Variants in NMT1 observed in about 807,000 individuals in gnomAD.
NMT1 encodes the protein N-myristoyltransferase 1.
In NMT1, 12 loss-of-function variants were observed where a neutral mutation model predicts 63.4. The observed-to-expected ratio is 0.19, with a 90% CI of 0.12 to 0.31. The LOEUF (loss-of-function observed/expected upper bound fraction) is 0.31. Ranked by LOEUF, NMT1 falls within the 10% of genes least tolerant of loss-of-function variation. The probability of loss-of-function intolerance (pLI) is 1.00; values close to 1 mark genes in which losing one functional copy is unlikely to be tolerated. For missense variants in NMT1, 432 were observed against 634.6 expected (o/e 0.68, Z 3.43); for synonymous variants, 228 against 234.3 (o/e 0.97, Z 0.25).
rs1377180260 is a variant in NMT1, at chr17:45,105,060, C to A, written c.1470+64C>A. 2.6e-5 allele frequency: 42 copies of A among 1,604,322 alleles called. No individual in the cohort carries two copies. Among genetic ancestry groups the A allele is most frequent in the Non-Finnish European group, 3.4e-5 (40 of 1,174,208 alleles). On this transcript the variant is annotated intron_variant, in intron 11 of 11. Coordinates refer to ENST00000258960, the MANE Select transcript of NMT1 (RefSeq NM_021079.5). This position sits in a 1 kb window ranked among gnomAD's most constrained non-coding sequence, Gnocchi z 4.2. ...AGGGTGTCCATGTCTCCAGCAGAAACCGGGCCATGGGTTGAGGAGACAGCC... is the reference window on the plus strand; with the variant it reads ...AGGGTGTCCATGTCTCCAGCAGAAAACGGGCCATGGGTTGAGGAGACAGCC...
At position 45,093,936 on chromosome 17, in the gene NMT1, G is replaced by A. The variant is rs58114971; in HGVS notation, c.504+133G>A. On this transcript the variant is annotated intron_variant, in intron 4 of 11. Coordinates refer to ENST00000258960, the MANE Select transcript of NMT1 (RefSeq NM_021079.5). ...AGGAGGTCTGAACAGACTCCCGTCT[G>A]TAACTTCCTGGGGCATGGCCAAGAC... 308 of 659,630 alleles carry A rather than the reference G, an allele frequency of 4.7e-4. No homozygotes were observed. The African/African-American group carries it at 5.0e-3, about 11-fold the overall frequency. The allele number at this position is 659,630 out of a possible 1,614,324, so 40.9% of individuals were successfully genotyped here. A position where few individuals can be genotyped will look rare whatever the true frequency, so the allele number is the denominator to read the frequency against.
Position 45,061,352 on chromosome 17 carries a change from C to T in NMT1, c.23C>T (p.Ala8Val), listed in dbSNP as rs764406772. The T allele has an allele frequency of 4.3e-6, 7 of 1,613,862 alleles. No homozygotes were observed. The highest frequency in any genetic ancestry group is 3.3e-5 in the South Asian group (3 of 91,046). MADESET[A>V]VKPPAPPLPQ... is the part of the protein sequence containing the mutation. ...AAGATGGCGGACGAGAGTGAGACAG[C>T]AGTGAAGCCGCCGGCACCTCCGCTG... The change falls in exon 1 of 12, where the codon GCA becomes GTA. Residue 8 changes from alanine (A) to valine (V), a missense_variant. By Grantham distance (64) the Ala-to-Val change is moderately conservative. This residue lies in a region of NMT1 where 121 missense variants were observed against 103.7 expected (regional missense o/e 1.17). Transcript: ENST00000258960.
At chr17:45,098,574 GC>G in intron 7 of NMT1, 22 bp downstream of exon 7, 1 of 1,610,704 alleles carries the variant, frequency 6.2e-7, no homozygotes, top group African/African-American at 1.3e-5. Context: ...TTCCTGTAAG[GC>G]CCCAAAAATG....
intron 1 of NMT1, among the ~76,000 whole-genome samples, chr17:45,080,883 C>G (rs888806682): frequency 6.6e-6 from 1 of 152,108 alleles, no homozygotes; most frequent in South Asian, 2.1e-4. Flanking sequence ...TCTCCTGCCT[C>G]GTCCTCCTGA....
At chr17:45,077,256 A>G (rs1302929943) in intron 1 of NMT1, among the ~76,000 whole-genome samples, 1 of 152,138 alleles carries the variant, frequency 6.6e-6, no homozygotes, top group Non-Finnish European at 1.5e-5. Flanking sequence ...TTTGTTCCAT[A>G]AGCTGTTATG....
At chr17:45,102,851 A>T in intron 8 of NMT1, 100 bp from the exon 9 acceptor site, 1 of 1,166,586 alleles carries the variant, frequency 8.6e-7, no homozygotes, top group Non-Finnish European at 1.2e-6. Flanking sequence ...GAGCCGCCGA[A>T]TGACCAGGGA....
intron 3 of NMT1, among the ~76,000 whole-genome samples, chr17:45,093,294 C>T (rs775547119): frequency 5.9e-5 from 9 of 152,252 alleles, no homozygotes; most frequent in Non-Finnish European, 7.3e-5. Flanking sequence ...GACACAAAAG[C>T]AGCCTTGTTG....
chr17:45,073,683 A>C (rs1381076364), intron 1 of NMT1, among the ~76,000 whole-genome samples: 3 of 152,146 alleles, frequency 2.0e-5, no homozygotes, highest in Non-Finnish European at 2.9e-5. Context: ...TTGGCTTTGG[A>C]GGATTCTCAA....
intron 5 of NMT1, among the ~76,000 whole-genome samples, 154 bp from the exon 6 acceptor site, chr17:45,096,972 CTG>C (rs1466936457): frequency 2.6e-5 from 4 of 152,334 alleles, no homozygotes; most frequent in African/African-American, 9.6e-5. Flanking sequence ...TGGCTCGATT[CTG>C]TGTGTCCAGG....
intron 1 of NMT1, among the ~76,000 whole-genome samples, chr17:45,077,516 G>T (rs1359583088): frequency 6.6e-6 from 1 of 152,038 alleles, no homozygotes; most frequent in African/African-American, 2.4e-5. Flanking sequence ...TCAGCCTCCC[G>T]AGTAGCTGGG....
Position 45,061,346 on chromosome 17 carries a change from A to G in NMT1, c.17A>G (p.Glu6Gly). 1 of 1,613,978 alleles carries G rather than the reference A, an allele frequency of 6.2e-7. No individual in the cohort carries two copies. Among genetic ancestry groups the G allele is most frequent in the Non-Finnish European group, 8.5e-7 (1 of 1,179,952 alleles). MADESETAVKPPAPPL... is the reference protein window; with the variant it reads MADESGTAVKPPAPPL... ...CAACTCAAGATGGCGGACGAGAGTGAGACAGCAGTGAAGCCGCCGGCACCT... is the reference window on the plus strand; with the variant it reads ...CAACTCAAGATGGCGGACGAGAGTGGGACAGCAGTGAAGCCGCCGGCACCT... The change falls in exon 1 of 12, where the codon GAG becomes GGG. Residue 6 changes from glutamate (E) to glycine (G), a missense_variant. This residue lies in a region of NMT1 where 121 missense variants were observed against 103.7 expected (regional missense o/e 1.17). Coordinates refer to ENST00000258960, the MANE Select transcript of NMT1 (RefSeq NM_021079.5).
intron 1 of NMT1, among the ~76,000 whole-genome samples, chr17:45,077,068 A>AT (rs1333328099): frequency 6.6e-6 from 1 of 152,098 alleles, no homozygotes; most frequent in African/African-American, 2.4e-5. Context: ...TTTTACAGTG[A>AT]TTTTGCATAT....
rs1342905955 is a variant in NMT1, at chr17:45,104,352, G to A, written c.1332+476G>A. The A allele has an allele frequency of 8.7e-7, 1 of 1,148,886 alleles. No individual in the cohort carries two copies. Among genetic ancestry groups the A allele is most frequent in the East Asian group, 6.6e-5 (1 of 15,132 alleles). 71.2% of individuals were successfully genotyped at this position (1,148,886 alleles called of 1,614,324 possible). On this transcript the variant is annotated intron_variant, in intron 10 of 11. Transcript: ENST00000258960. The surrounding 1 kb of genome is among the most constrained non-coding windows in gnomAD (Gnocchi z 4.2). ...CTGTAGGCAATCTGGTCCCTGCCCT[G>A]TGAGAGCTTCTGCTCCAGTTGGTGA...
intron 1 of NMT1, chr17:45,071,542 T>G (rs909633670): frequency 6.6e-6 from 1 of 152,216 alleles, no homozygotes; most frequent in Non-Finnish European, 1.5e-5. Flanking sequence ...GACTAGCCTT[T>G]GAAAAATAAA....
chr17:45,061,514 C>T (rs1018507993), intron 1 of NMT1, 54 bp downstream of exon 1: 4 of 1,559,266 alleles, frequency 2.6e-6, no homozygotes, highest in Non-Finnish European at 3.5e-6. Flanking sequence ...ACCTGGGTCT[C>T]TGGGGTGCGG....
chr17:45,080,357 T>C (rs2143477999), intron 1 of NMT1, among the ~76,000 whole-genome samples: 1 of 150,634 alleles, frequency 6.6e-6, no homozygotes, highest in East Asian at 2.0e-4. Context: ...ACAGGCTTTC[T>C]CCATGTTGGT....
intron 1 of NMT1, among the ~76,000 whole-genome samples, chr17:45,073,703 T>C (rs992957632): frequency 1.3e-4 from 20 of 152,172 alleles, no homozygotes; most frequent in Admixed American, 6.5e-5. Flanking sequence ...AATCAATTCT[T>C]ACAGGGAACG....
At position 45,108,282 on chromosome 17, in the gene NMT1, A is replaced by T. The variant is rs1308094768; in HGVS notation, c.*2643A>T. 1 of 152,214 alleles carries T rather than the reference A, an allele frequency of 6.6e-6. No homozygotes were observed. The highest frequency in any genetic ancestry group is 1.5e-5 in the Non-Finnish European group (1 of 68,050). The allele number at this position is 152,214 out of a possible 1,614,324, so 9.4% of individuals were successfully genotyped here. On this transcript the variant is annotated 3_prime_UTR_variant, in exon 12 of 12. Coordinates refer to ENST00000258960, the MANE Select transcript of NMT1 (RefSeq NM_021079.5). ...TGACCACGGACTCCAGTCTGTGTGT[A>T]GGGAGAGAGCTGAGTAGGAGGCCTC...
In NMT1 at chr17:45,104,299, T is replaced by C; in HGVS notation, c.1332+423T>C. 1 of 1,181,346 alleles carries C rather than the reference T, an allele frequency of 8.5e-7. No homozygotes were observed. Among genetic ancestry groups the C allele is most frequent in the South Asian group, 1.7e-5 (1 of 60,332 alleles). 73.2% of individuals were successfully genotyped at this position (1,181,346 alleles called of 1,614,324 possible). A position where few individuals can be genotyped will look rare whatever the true frequency, so the allele number is the denominator to read the frequency against. On this transcript the variant is annotated intron_variant, in intron 10 of 11. Transcript: ENST00000258960. This position sits in a 1 kb window ranked among gnomAD's most constrained non-coding sequence, Gnocchi z 4.2. Reference sequence around the variant, plus strand: ...GTCAGTGCTTTGCTGTGGGTTCTGGTAACCTGTGCCCAGCCCAGCCCAGCC... The same window carrying C: ...GTCAGTGCTTTGCTGTGGGTTCTGGCAACCTGTGCCCAGCCCAGCCCAGCC...
Sources: gnomAD v4.1 joint callset for allele counts (sites outside exome capture counted in the v4.1 genomes callset) on GRCh38, gnomAD v4.1.1 for gene constraint, gnomAD v4.1.1 regional missense constraint, Gnocchi (gnomAD v3.1) non-coding constraint, MANE v1.5 for transcripts, NCBI Gene and HGNC (gene_info 2026-07-23, HGNC 2026-07-21) for gene names.